The following CLUH variants were observed in gnomAD, a reference collection of about 807,000 sequenced individuals.
CLUH encodes the protein clustered mitochondria protein homolog.
Under a neutral mutation model 139.3 loss-of-function variants are expected in CLUH, and 77 were observed. That is an observed-to-expected ratio of 0.55 (90% CI 0.46 to 0.67). The LOEUF is 0.67. Ranked by LOEUF, CLUH falls within the 30% of genes least tolerant of loss-of-function variation. CLUH has a pLI of 0.00. For synonymous variants in CLUH, 999 were observed against 801.6 expected (o/e 1.25, Z -4.16); for missense variants, 1,876 against 1,875.8 (o/e 1.00, Z 0.00).
chr17:2,691,973 CCCCCGCCCCCGCCACGCCCCCG>C lies in CLUH; in HGVS notation c.3654+9_3654+30del. The C allele has an allele frequency of 2.1e-6, 1 of 466,822 alleles. No individual in the cohort carries two copies. Among genetic ancestry groups the C allele is most frequent in the Non-Finnish European group, 2.8e-6 (1 of 356,900 alleles). The allele number at this position is 466,822 out of a possible 1,614,324, so 28.9% of individuals were successfully genotyped here. A position where few individuals can be genotyped will look rare whatever the true frequency, so the allele number is the denominator to read the frequency against. ...CCCGCCCCGCCACGCCCCCGCCCCG[CCCCCGCCCCCGCCACGCCCCCG>C]CCGCGCACCTGCGTCTTGTAGATGG... On this transcript the variant is annotated intron_variant, in intron 23 of 25. Coordinates refer to ENST00000651024, the MANE Select transcript of CLUH (RefSeq NM_001366661.1).
intron 1 of CLUH, chr17:2,711,274 C>T (rs1334008070): frequency 6.6e-6 from 1 of 152,320 alleles, no homozygotes; most frequent in African/African-American, 2.4e-5. Context: ...GGCGGCGCAC[C>T]CCGAAACCGC....
Position 2,701,538 on chromosome 17 carries a change from T to C in CLUH, c.745-18A>G. ...TGCAAGGGCTTCGGGAGCGGCCGAG[T>C]CTGAGGGGCCAGGCCTCTGGTGTGG... On this transcript the variant is annotated intron_variant, in intron 5 of 25. Coordinates refer to ENST00000651024, the MANE Select transcript of CLUH (RefSeq NM_001366661.1). The C allele has an allele frequency of 6.2e-7, 1 of 1,613,468 alleles. No individual in the cohort carries two copies. Among genetic ancestry groups the C allele is most frequent in the African/African-American group, 1.3e-5 (1 of 75,010 alleles).
intron 14 of CLUH, 45 bp downstream of exon 14, chr17:2,695,329 C>T: frequency 1.2e-6 from 2 of 1,613,424 alleles, no homozygotes; most frequent in African/African-American, 2.7e-5. Flanking sequence ...GGCCTCCATC[C>T]CAGTCCCACA....
chr17:2,690,046 G>C lies in CLUH; in HGVS notation c.*548C>G. 1 of 151,992 alleles carries C rather than the reference G, an allele frequency of 6.6e-6. No individual in the cohort carries two copies. Among genetic ancestry groups the C allele is most frequent in the African/African-American group, 2.4e-5 (1 of 41,238 alleles). The allele number at this position is 151,992 out of a possible 1,614,324, so 9.4% of individuals were successfully genotyped here. On this transcript the variant is annotated 3_prime_UTR_variant, in exon 26 of 26. Transcript: ENST00000651024. ...AACTAAAGTGCACCCCAGCCCTCCAGCCCCGCCACAGAGCTCCGGCTCCCC... is the reference window on the plus strand; with the variant it reads ...AACTAAAGTGCACCCCAGCCCTCCACCCCCGCCACAGAGCTCCGGCTCCCC...
Position 2,694,501 on chromosome 17 carries a change from G to C in CLUH, c.2916C>G (p.Ile972Met), listed in dbSNP as rs181923267. ...GLQKITLLRE[I>M]SLKTGIQVLL... ...CCACCTGGATCCCTGTTTTCAGCGA[G>C]ATCTCCCGCAGGAGCGTTATCTTCT... The change falls in exon 17 of 26, where the codon ATC becomes ATG. Residue 972 changes from isoleucine (I) to methionine (M), a missense_variant. Physicochemically the swap from Ile to Met is conservative, Grantham distance 10 (BLOSUM62 1). This residue lies in a region of CLUH where 1,454 missense variants were observed against 1,384.4 expected (regional missense o/e 1.05). Coordinates refer to ENST00000651024, the MANE Select transcript of CLUH (RefSeq NM_001366661.1). 1.5e-5 allele frequency: 23 copies of C among 1,582,760 alleles called. No homozygotes were observed. Among genetic ancestry groups the C allele is most frequent in the Admixed American group, 5.4e-5 (3 of 55,432 alleles).
chr17:2,692,564 C>A lies in CLUH; in HGVS notation c.3438+7G>T. On this transcript the variant is annotated splice_region_variant and intron_variant, in intron 21 of 25. Transcript: ENST00000651024. The stretch of plus-strand genomic sequence containing the variant: ...GGTCCCTGCCGCCCCCCCGCCCCAG[C>A]ACTCACGTCCAGCAGCGCCATCTCG... 1 of 1,610,050 alleles carries A rather than the reference C, an allele frequency of 6.2e-7. No homozygotes were observed. Among genetic ancestry groups the A allele is most frequent in the South Asian group, 1.1e-5 (1 of 90,956 alleles).
chr17:2,691,953 CCCGCCACGCCCCCG>C lies in CLUH; in HGVS notation c.3654+37_3654+50del. The C allele has an allele frequency of 3.9e-6, 4 of 1,020,198 alleles. No homozygotes were observed. In the South Asian group the frequency reaches 5.7e-5, roughly 14 times the overall value. 63.2% of individuals were successfully genotyped at this position (1,020,198 alleles called of 1,614,324 possible). A position where few individuals can be genotyped will look rare whatever the true frequency, so the allele number is the denominator to read the frequency against. ...CGTGCCCCCGCGGCCCCGCCCCCGC[CCCGCCACGCCCCCG>C]CCCCGCCCCCGCCCCCGCCACGCCC... On this transcript the variant is annotated intron_variant, in intron 23 of 25. Transcript: ENST00000651024.
In CLUH at chr17:2,703,936, T is replaced by TC. The variant is rs1392806731; in HGVS notation, c.303+425dup. On this transcript the variant is annotated intron_variant, in intron 2 of 25. Transcript: ENST00000651024. This position sits in a 1 kb window ranked among gnomAD's most constrained non-coding sequence, Gnocchi z 4.2. ...GAGACATACGACGACCCTGTCTCGT[T>TC]CCCCACTGAGTCACCGGCTTGCAAG... 1.3e-5 allele frequency among the ~76,000 whole-genome samples: 2 copies of TC among 152,098 alleles called. No homozygotes were observed. The highest frequency in any genetic ancestry group is 2.9e-5 in the Non-Finnish European group (2 of 68,028).
chr17:2,705,788 G>T (rs910178369), intron 1 of CLUH, among the ~76,000 whole-genome samples: 3 of 152,190 alleles, frequency 2.0e-5, no homozygotes, highest in Non-Finnish European at 4.4e-5. Context: ...AATATTTGAA[G>T]ACAGCACCCA....
At chr17:2,702,133 T>G in intron 3 of CLUH, 76 bp from the exon 4 acceptor site, 1 of 1,536,036 alleles carries the variant, frequency 6.5e-7, no homozygotes. Flanking sequence ...CAAAACAGGT[T>G]TTGGAGGTGC....
intron 25 of CLUH, among the ~76,000 whole-genome samples, chr17:2,691,289 C>T (rs886148924): frequency 6.6e-6 from 1 of 152,128 alleles, no homozygotes; most frequent in Non-Finnish European, 1.5e-5. Flanking sequence ...GCGGGCCGGG[C>T]GCGATGGCTC....
At chr17:2,708,860 C>CGG (rs58322536) in intron 1 of CLUH, among the ~76,000 whole-genome samples, 13 of 44,152 alleles carry the variant, frequency 2.9e-4, no homozygotes, top group Admixed American at 3.8e-4. Context: ...AGCCTCTACT[C>CGG]GGGGGGGGGG....
chr17:2,694,609 C>G lies in CLUH; in HGVS notation c.2853-45G>C, dbSNP rs1035771887. ...CCTGAGCAGCCCAAGCACCGCCGGGCCCCCCCAACACCGCCCCACCCAGCT... is the reference window on the plus strand; with the variant it reads ...CCTGAGCAGCCCAAGCACCGCCGGGGCCCCCCAACACCGCCCCACCCAGCT... On this transcript the variant is annotated intron_variant, in intron 16 of 25. Transcript: ENST00000651024. 8 of 1,488,480 alleles carry G rather than the reference C, an allele frequency of 5.4e-6. No individual in the cohort carries two copies. The Admixed American group carries it at 1.4e-4, about 26-fold the overall frequency. 92.2% of individuals were successfully genotyped at this position (1,488,480 alleles called of 1,614,324 possible). A position where few individuals can be genotyped will look rare whatever the true frequency, so the allele number is the denominator to read the frequency against.
At chr17:2,700,886 GC>G in intron 7 of CLUH, 61 bp from the exon 8 acceptor site, 1 of 1,498,366 alleles carries the variant, frequency 6.7e-7, no homozygotes. Flanking sequence ...CCTTCCACGG[GC>G]CCCTTTTCTG....
Position 2,696,937 on chromosome 17 carries a change from A to T in CLUH, c.1967T>A (p.Leu656His). The change falls in exon 11 of 26, where the codon CTC becomes CAC. Residue 656 changes from leucine (L) to histidine (H), a missense_variant. Physicochemically the swap from Leu to His is moderately conservative, Grantham distance 99. Coordinates refer to ENST00000651024, the MANE Select transcript of CLUH (RefSeq NM_001366661.1). ...CAAGGCGGCCAGCTTCATAAAGAGG[A>T]GGTACCTGGAGCAGAGGAAACAGGG... ...LVDAFVEHRY[L>H]LFMKLAALQL... 6.3e-7 allele frequency: 1 copy of T among 1,578,166 alleles called. No individual in the cohort carries two copies. The highest frequency in any genetic ancestry group is 2.3e-5 in the East Asian group (1 of 43,632).
chr17:2,702,567 G>A (rs545988737), intron 3 of CLUH, among the ~76,000 whole-genome samples: 43 of 152,338 alleles, frequency 2.8e-4, no homozygotes, highest in African/African-American at 8.2e-4. Context: ...TGTGGGCGCT[G>A]TTGAGCTACA....
In CLUH at chr17:2,690,564, C is replaced by A; in HGVS notation, c.*30G>T. The A allele has an allele frequency of 7.0e-7, 1 of 1,422,486 alleles. No individual in the cohort carries two copies. The highest frequency in any genetic ancestry group is 1.6e-5 in the South Asian group (1 of 63,188). 88.1% of individuals were successfully genotyped at this position (1,422,486 alleles called of 1,614,324 possible). ...CAGTCGGGCTCCCTGGTGACGGGGC[C>A]GCTGGCTGGCTGTCCGTCTGGCTCC... On this transcript the variant is annotated 3_prime_UTR_variant, in exon 26 of 26. Coordinates refer to ENST00000651024, the MANE Select transcript of CLUH (RefSeq NM_001366661.1).
chr17:2,711,979 G>A (rs1456650440), upstream of CLUH: 1 of 152,380 alleles, frequency 6.6e-6, no homozygotes, highest in Non-Finnish European at 1.5e-5. Context: ...CGGGGCCTCG[G>A]GGAGACTCCC....
At chr17:2,691,134 C>A (rs1178452167) in intron 25 of CLUH, among the ~76,000 whole-genome samples, 7 of 152,086 alleles carry the variant, frequency 4.6e-5, no homozygotes, top group South Asian at 4.2e-4. Context: ...TCCTCAGCCC[C>A]CCCCCGCCGC....
Sources: gnomAD v4.1 joint callset for allele counts (sites outside exome capture counted in the v4.1 genomes callset) on GRCh38, gnomAD v4.1.1 for gene constraint, gnomAD v4.1.1 regional missense constraint, Gnocchi (gnomAD v3.1) non-coding constraint, MANE v1.5 for transcripts, NCBI Gene and HGNC (gene_info 2026-07-23, HGNC 2026-07-21) for gene names.